MYO9A: variants seen among roughly 807,000 people sequenced by gnomAD.
MYO9A encodes unconventional myosin-IXa.
Under a neutral mutation model 293.3 loss-of-function variants are expected in MYO9A, and 103 were observed. That is an observed-to-expected ratio of 0.35 (90% confidence interval 0.30 to 0.41). The LOEUF (loss-of-function observed/expected upper bound fraction) is 0.41, where lower values mean the gene tolerates loss of function less well. MYO9A is among the 10% of genes least tolerant of loss of function. MYO9A has a pLI of 1.00. For synonymous variants in MYO9A, 1,001 were observed against 1,035.7 expected, an observed-to-expected ratio of 0.97 and a Z score of 0.64; for missense variants, 2,685 against 3,033.0, an observed-to-expected ratio of 0.89 and a Z score of 2.69.
At chr15:72,103,563 CAGCAGAAGCAGTGGA>C (rs1288703956) in intron 1 of MYO9A, among the ~76,000 whole-genome samples, 2 of 150,922 alleles carry the variant, frequency 1.3e-5, no homozygotes, top group Admixed American at 1.3e-4. Flanking sequence ...GAAGCAGAAG[CAGCAGAAGCAGTGGA>C]AGCAGAAGCA....
chr15:71,958,756 G>A (rs1031450077), intron 14 of MYO9A: 1 of 152,150 alleles, frequency 6.6e-6, no homozygotes, highest in Admixed American at 6.5e-5. Flanking sequence ...TAGAAAATAA[G>A]GAATCTAGAC....
chr15:72,107,940 CT>C (rs1380932343), intron 1 of MYO9A, among the ~76,000 whole-genome samples: 2 of 152,158 alleles, frequency 1.3e-5, no homozygotes, highest in Non-Finnish European at 2.9e-5. Context: ...ATTTACTGTT[CT>C]CTTTTAATAG....
intron 19 of MYO9A, among the ~76,000 whole-genome samples, chr15:71,910,568 G>A (rs960464855): frequency 1.3e-5 from 2 of 152,052 alleles, no homozygotes; most frequent in African/African-American, 4.8e-5. Context: ...CAATATGCTT[G>A]TATCAATTTA....
At chr15:72,072,797 T>C (rs908400053) in intron 1 of MYO9A, among the ~76,000 whole-genome samples, 1 of 152,142 alleles carries the variant, frequency 6.6e-6, no homozygotes, top group Non-Finnish European at 1.5e-5. Context: ...TTGGGTATTA[T>C]GTTCACTATT....
At chr15:71,886,470 C>T (rs1235729828) in intron 27 of MYO9A, among the ~76,000 whole-genome samples, 1 of 151,994 alleles carries the variant, frequency 6.6e-6, no homozygotes, top group East Asian at 1.9e-4. Context: ...CATTAAATCC[C>T]TATGTTCCAA....
intron 2 of MYO9A, among the ~76,000 whole-genome samples, chr15:72,037,444 G>C (rs2078088782): frequency 1.3e-5 from 2 of 152,078 alleles, no homozygotes; most frequent in South Asian, 4.2e-4. Flanking sequence ...CCTGTGTTTT[G>C]AACTTGAGGT....
rs751012778 is a variant in MYO9A, at chr15:71,878,147, G to A, written c.5824C>T (p.Arg1942Cys). 2.5e-6 allele frequency: 4 copies of A among 1,612,882 alleles called. No homozygotes were observed. The highest frequency in any genetic ancestry group is 2.2e-5 in the East Asian group (1 of 44,842). ...ACTGGAGATTCACCCAGTGAATCAC[G>A]CTGCTCAAGCCTCATCGTCTTTTCC... ...ILEKTMRLEQ[R>C]DSLGESPVRV... The change falls in exon 31 of 42, where the codon CGT becomes TGT. Residue 1942 changes from arginine (R) to cysteine (C), a missense_variant. Coordinates refer to ENST00000356056, the MANE Select transcript of MYO9A (RefSeq NM_006901.4).
Position 71,978,287 on chromosome 15 carries a change from T to C in MYO9A, c.1728A>G (p.Glu576=). Residue 576 remains glutamate (E), a synonymous_variant, in exon 12 of 42, where the codon GAA becomes GAG. Coordinates refer to ENST00000356056, the MANE Select transcript of MYO9A (RefSeq NM_006901.4). ...GCCAGCTGATACCTTCAGTTCTATA[T>C]TCCTCCTAGAAAAACCAAAAAATAA... ...NQHIFKLEQE[E]YRTEGISWHN... 2 of 1,602,100 alleles carry C rather than the reference T, an allele frequency of 1.2e-6. No homozygotes were observed. The highest frequency in any genetic ancestry group is 1.3e-5 in the African/African-American group (1 of 74,286).
chr15:71,994,321 A>G (rs1040111573), intron 10 of MYO9A, 148 bp downstream of exon 10: 3 of 444,446 alleles, frequency 6.7e-6, no homozygotes, highest in Admixed American at 4.0e-5. Context: ...ACACAGAACA[A>G]TTCTTCTGAA....
At chr15:72,033,471 T>C (rs2077941171) in intron 2 of MYO9A, among the ~76,000 whole-genome samples, 1 of 152,146 alleles carries the variant, frequency 6.6e-6, no homozygotes, top group East Asian at 1.9e-4. Flanking sequence ...TACCTTACAA[T>C]GGAATACTGC....
intron 26 of MYO9A, chr15:71,892,041 G>A (rs2057192623): frequency 6.6e-6 from 1 of 152,182 alleles, no homozygotes; most frequent in Non-Finnish European, 1.5e-5. Context: ...TACTTCATCA[G>A]TGATGTTCTG....
chr15:72,061,783 G>A (rs567776754), intron 1 of MYO9A, among the ~76,000 whole-genome samples: 1 of 152,286 alleles, frequency 6.6e-6, no homozygotes, highest in South Asian at 2.1e-4. Context: ...CTGAAGAGAA[G>A]CACAGGAGCC....
intron 27 of MYO9A, among the ~76,000 whole-genome samples, chr15:71,885,220 T>C (rs2056985134): frequency 6.6e-6 from 1 of 152,106 alleles, no homozygotes; most frequent in Non-Finnish European, 1.5e-5. Context: ...ACCATAAACA[T>C]GTGCCCCCAA....
Position 72,045,769 on chromosome 15 carries a change from G to A in MYO9A, c.795C>T (p.Ala265=), listed in dbSNP as rs1179345295. 6.2e-7 allele frequency: 1 copy of A among 1,613,972 alleles called. No individual in the cohort carries two copies. Among genetic ancestry groups the A allele is most frequent in the Non-Finnish European group, 8.5e-7 (1 of 1,179,962 alleles). ...CAAGAATAATCTGTTCTACTCCACT[G>A]GCAAATCCTTTCTGACTGAGAGCAG... ...HLTALSQKGF[A]SGVEQIILGA... The change falls in exon 2 of 42, where the codon GCC becomes GCT. Residue 265 remains alanine, a synonymous_variant. Coordinates refer to ENST00000356056, the MANE Select transcript of MYO9A (RefSeq NM_006901.4).
chr15:71,923,975 C>A (rs980577256), intron 18 of MYO9A, among the ~76,000 whole-genome samples: 2 of 152,080 alleles, frequency 1.3e-5, no homozygotes, highest in Non-Finnish European at 2.9e-5. Context: ...CTAACGTAGA[C>A]AATTATTGCT....
chr15:71,901,439 A>C (rs2057480823), intron 22 of MYO9A, 99 bp from the exon 23 acceptor site: 2 of 1,219,634 alleles, frequency 1.6e-6, no homozygotes, highest in Non-Finnish European at 2.3e-6. Flanking sequence ...GAGAAGAACA[A>C]ACACAGTGGC....
At chr15:71,922,456 C>T (rs901040732) in intron 18 of MYO9A, among the ~76,000 whole-genome samples, 41 of 152,204 alleles carry the variant, frequency 2.7e-4, no homozygotes, top group African/African-American at 8.7e-4. Flanking sequence ...TATTTCTTTG[C>T]GGTGAGATCA....
Position 72,048,747 on chromosome 15 carries a change from C to T in MYO9A, c.-71-2113G>A, listed in dbSNP as rs533714361. Among the ~76,000 whole-genome samples the T allele has an allele frequency of 8.6e-4, 131 of 152,128 alleles. 1 individual carries two copies. Among genetic ancestry groups the T allele is most frequent in the Non-Finnish European group, 1.5e-3 (103 of 67,974 alleles). On this transcript the variant is annotated intron_variant, in intron 1 of 41. Coordinates refer to ENST00000356056, the MANE Select transcript of MYO9A (RefSeq NM_006901.4). ...ATGTTTAAGTTTGCATGTTTACTAT[C>T]GTGAAAAAAAACCTTTTCAGATTTT...
At chr15:72,036,867 G>A (rs1369253063) in intron 2 of MYO9A, among the ~76,000 whole-genome samples, 1 of 151,920 alleles carries the variant, frequency 6.6e-6, no homozygotes, top group Non-Finnish European at 1.5e-5. Context: ...ACACAGCCAT[G>A]CACCACCACA....
Sources: allele counts gnomAD v4.1 joint callset (sites outside exome capture counted in the v4.1 genomes callset), GRCh38; gene constraint gnomAD v4.1.1; transcripts MANE v1.5; gene names NCBI Gene and HGNC (gene_info 2026-07-23, HGNC 2026-07-21).